The following LAMA3 variants were observed in gnomAD, a reference collection of about 807,000 sequenced individuals.
LAMA3 encodes the protein laminin subunit alpha 3, also known as laminin subunit alpha-3.
A neutral mutation model predicts 402.0 loss-of-function variants in LAMA3; 281 were observed. The ratio of observed to expected loss-of-function variants is 0.70; its 90% CI spans 0.63 to 0.77. The LOEUF is 0.77. LAMA3 is among the 30% of genes least tolerant of loss of function. LAMA3 has a pLI of 0.00. For missense variants in LAMA3, 3,840 were observed against 4,215.5 expected (o/e 0.91, Z 2.47); for synonymous variants, 1,431 against 1,558.4 (o/e 0.92, Z 1.93).
At chr18:23,734,106 T>C (rs1034291577) in intron 2 of LAMA3, among the ~76,000 whole-genome samples, 21 of 152,228 alleles carry the variant, frequency 1.4e-4, no homozygotes. Context: ...TGACGCAACA[T>C]CTCTGCCGTC....
At chr18:23,744,374 G>A (rs1447127252) in intron 2 of LAMA3, among the ~76,000 whole-genome samples, 1 of 152,190 alleles carries the variant, frequency 6.6e-6, no homozygotes, top group Non-Finnish European at 1.5e-5. Flanking sequence ...ACAAAAATGG[G>A]AGGGAAACAT....
chr18:23,710,673 A>T (rs2060974717), intron 1 of LAMA3, among the ~76,000 whole-genome samples: 1 of 152,122 alleles, frequency 6.6e-6, no homozygotes, highest in African/African-American at 2.4e-5. Flanking sequence ...TGACATTGAG[A>T]TGTAAGGTAA....
chr18:23,894,967 G>T lies in LAMA3; in HGVS notation c.5522G>T (p.Arg1841Leu), dbSNP rs144475991. 2 of 1,614,076 alleles carry T rather than the reference G, an allele frequency of 1.2e-6. No individual in the cohort carries two copies. The highest frequency in any genetic ancestry group is 1.3e-5 in the African/African-American group (1 of 75,058). ...CTGGCCACCATGGGCGAGCAGCTCCGCCTGGTCAAGTCTCAGCTGCAGGGC... is the reference window on the plus strand; with the variant it reads ...CTGGCCACCATGGGCGAGCAGCTCCTCCTGGTCAAGTCTCAGCTGCAGGGC... ...NDLATMGEQL[R>L]LVKSQLQGLS... Residue 1841 changes from arginine to leucine, a missense_variant, in exon 44 of 75, where the codon CGC (arginine) becomes CTC (leucine). Physicochemically the swap from Arg to Leu is moderately radical, Grantham distance 102. Around this residue, in one of 3 missense-constraint regions of LAMA3, gnomAD observed 891 missense variants for 857.5 expected, o/e 1.04. Coordinates refer to ENST00000313654, the MANE Select transcript of LAMA3 (RefSeq NM_198129.4).
At chr18:23,759,982 A>G (rs748104811) in intron 7 of LAMA3, among the ~76,000 whole-genome samples, 2 of 152,248 alleles carry the variant, frequency 1.3e-5, no homozygotes, top group Non-Finnish European at 2.9e-5. Context: ...AGAGAAAGGT[A>G]TAATAAAAGT....
At chr18:23,909,729 T>C (rs997135064) in intron 55 of LAMA3, among the ~76,000 whole-genome samples, 4 of 152,246 alleles carry the variant, frequency 2.6e-5, no homozygotes, top group African/African-American at 4.8e-5. Flanking sequence ...TTTTCCATCA[T>C]TGGAGTACTG....
chr18:23,931,411 A>G (rs1429857683), intron 65 of LAMA3: 1 of 556,794 alleles, frequency 1.8e-6, no homozygotes, highest in South Asian at 2.1e-5. Context: ...AATCCCAACA[A>G]CTAAGAAGGC....
chr18:23,895,680 G>A (rs1258113), intron 44 of LAMA3, among the ~76,000 whole-genome samples: 30,743 of 151,988 alleles, frequency 0.2, 3,854 homozygotes, highest in Non-Finnish European at 0.28. Context: ...GATAATTTAT[G>A]ACTTATCTCT....
chr18:23,921,123 C>T, intron 61 of LAMA3, 69 bp downstream of exon 61: 4 of 1,502,528 alleles, frequency 2.7e-6, no homozygotes, highest in Non-Finnish European at 3.7e-6. Context: ...AGTCAGTGCC[C>T]CCAAATAAAT....
In LAMA3 at chr18:23,824,562, T is replaced by C; in HGVS notation, c.2568T>C (p.Leu856=). ...CTTGTATTAAGGCAGAAGGAGTCCT[T>C]CTGGTAAGACTTAGTTCTGAATGGA... ...WVACIKAEGV[L]LDYLVLLPRD... Residue 856 remains leucine (L), a synonymous_variant, in exon 21 of 75, where the codon CTT becomes CTC. Coordinates refer to ENST00000313654, the MANE Select transcript of LAMA3 (RefSeq NM_198129.4). 1 of 1,613,986 alleles carries C rather than the reference T, an allele frequency of 6.2e-7. No individual in the cohort carries two copies. Among genetic ancestry groups the C allele is most frequent in the Non-Finnish European group, 8.5e-7 (1 of 1,179,894 alleles).
rs141737177 is a variant in LAMA3, at chr18:23,706,626, G to A, written c.295-7294G>A. 9.3e-4 allele frequency among the ~76,000 whole-genome samples: 141 copies of A among 152,218 alleles called. 3 individuals are homozygous for A. The highest frequency in any genetic ancestry group is 1.1e-3 in the Non-Finnish European group (73 of 68,000). On this transcript the variant is annotated intron_variant, in intron 1 of 74. Transcript: ENST00000313654. ...TTCTGTGAAATGCCTACTTTTGCCC[G>A]TTTTCCCATTGAACTATTTATATTT... is the stretch of plus-strand genomic sequence containing the variant.
intron 10 of LAMA3, among the ~76,000 whole-genome samples, chr18:23,777,098 A>G (rs1233418131): frequency 6.6e-6 from 1 of 152,048 alleles, no homozygotes. Flanking sequence ...CCTCAGCTTC[A>G]CAAAGTGCTG....
rs371847489 is a variant in LAMA3 at position 23,827,389 on chromosome 18, T to C, written c.2745T>C (p.Leu915=). ...TLACEARHFL[L]DGEPRPVAVR... is the part of the protein sequence containing the mutation. The stretch of plus-strand genomic sequence containing the variant: ...CTTGTGAGGCCAGACACTTCCTGCT[T>C]GATGGGGAGCCAAGACCCGTGGCAG... The change falls in exon 23 of 75, where the codon CTT becomes CTC. Residue 915 remains leucine, a synonymous_variant. Coordinates refer to ENST00000313654, the MANE Select transcript of LAMA3 (RefSeq NM_198129.4). 1.9e-6 allele frequency: 3 copies of C among 1,614,110 alleles called. No homozygotes were observed. The highest frequency in any genetic ancestry group is 2.5e-6 in the Non-Finnish European group (3 of 1,180,050).
intron 11 of LAMA3, among the ~76,000 whole-genome samples, chr18:23,780,360 G>A (rs945762934): frequency 6.6e-6 from 1 of 151,190 alleles, no homozygotes; most frequent in African/African-American, 2.4e-5. Flanking sequence ...AGGGAGGGAG[G>A]GGAGAAAGGA....
intron 32 of LAMA3, among the ~76,000 whole-genome samples, chr18:23,850,794 T>C (rs1184932566): frequency 6.6e-6 from 1 of 152,270 alleles, no homozygotes; most frequent in Non-Finnish European, 1.5e-5. Context: ...AGGGCTAGAA[T>C]ATTTTTGGAA....
chr18:23,871,464 G>T lies in LAMA3; in HGVS notation c.4801G>T (p.Val1601Leu). 6.2e-7 allele frequency: 1 copy of T among 1,614,140 alleles called. No individual in the cohort carries two copies. Among genetic ancestry groups the T allele is most frequent in the South Asian group, 1.1e-5 (1 of 91,082 alleles). ...CAGACATGCCAGCAGCCGTGCCCCAGTGTCTAGGGAGGAGCTGATGACAGT... is the reference window on the plus strand; with the variant it reads ...CAGACATGCCAGCAGCCGTGCCCCATTGTCTAGGGAGGAGCTGATGACAGT... ...NFRHASSRAP[V>L]SREELMTVLS... Residue 1601 changes from valine (V) to leucine (L), a missense_variant, in exon 38 of 75, where the codon GTG becomes TTG. This residue lies in a region of LAMA3 where 2,109 missense variants were observed against 2,376.0 expected (regional missense o/e 0.89). Transcript: ENST00000313654.
intron 1 of LAMA3, among the ~76,000 whole-genome samples, chr18:23,697,074 A>T (rs2060698288): frequency 6.6e-6 from 1 of 152,246 alleles, no homozygotes; most frequent in African/African-American, 2.4e-5. Flanking sequence ...GTTTGTAAGC[A>T]GCGGTTCTCC....
At chr18:23,916,833 C>A in intron 60 of LAMA3, 138 bp downstream of exon 60, 1 of 891,354 alleles carries the variant, frequency 1.1e-6, no homozygotes, top group Non-Finnish European at 1.8e-6. Flanking sequence ...TTTCCTCCAC[C>A]CAGTTGTACT....
intron 21 of LAMA3, among the ~76,000 whole-genome samples, chr18:23,825,619 C>T (rs756058182): frequency 1.3e-5 from 2 of 151,854 alleles, no homozygotes; most frequent in African/African-American, 2.4e-5. Flanking sequence ...CTCTGCTCTT[C>T]TTGCATCTTC....
At chr18:23,795,722 A>T (rs61148149) in intron 12 of LAMA3, among the ~76,000 whole-genome samples, 116,863 of 149,640 alleles carry the variant, frequency 0.78, 46,067 homozygotes, top group African/African-American at 0.93. Context: ...CTTAAAATAT[A>T]TATATTTTTT....
Sources: gnomAD v4.1 joint callset for allele counts (sites outside exome capture counted in the v4.1 genomes callset) on GRCh38, gnomAD v4.1.1 for gene constraint, gnomAD v4.1.1 regional missense constraint, MANE v1.5 for transcripts, NCBI Gene and HGNC (gene_info 2026-07-23, HGNC 2026-07-21) for gene names.